PPP2R3A: variants seen among roughly 807,000 people sequenced by gnomAD.
PPP2R3A encodes serine/threonine-protein phosphatase 2A regulatory subunit B'' subunit alpha.
PPP2R3A carries 80 observed loss-of-function variants against 106.9 expected under a neutral mutation model. The ratio of observed to expected loss-of-function variants is 0.75; its 90% CI spans 0.62 to 0.90. The LOEUF (loss-of-function observed/expected upper bound fraction) is 0.90. Among genes scored for constraint, PPP2R3A ranks in the 40% least tolerant of loss-of-function variants. The probability of loss-of-function intolerance (pLI) is 0.00; values close to 1 mark genes in which losing one functional copy is unlikely to be tolerated. For missense variants in PPP2R3A, 1,386 were observed against 1,350.4 expected, an observed-to-expected ratio of 1.03 and a Z score of -0.41; for synonymous variants, 483 against 468.3, an observed-to-expected ratio of 1.03 and a Z score of -0.41.
chr3:135,991,231 C>G (rs942871815), intron 1 of PPP2R3A, among the ~76,000 whole-genome samples: 2 of 152,122 alleles, frequency 1.3e-5, no homozygotes, highest in Non-Finnish European at 2.9e-5. Flanking sequence ...GGTACCTGGC[C>G]TGTAGTGGGA....
At chr3:136,026,240 T>G (rs1033691198) in intron 2 of PPP2R3A, among the ~76,000 whole-genome samples, 1 of 152,138 alleles carries the variant, frequency 6.6e-6, no homozygotes, top group African/African-American at 2.4e-5. Context: ...GTGGCCCTAG[T>G]GGCAAATAAA....
At chr3:135,971,602 T>C (rs985853598) in intron 1 of PPP2R3A, among the ~76,000 whole-genome samples, 3 of 152,186 alleles carry the variant, frequency 2.0e-5, no homozygotes, top group Non-Finnish European at 4.4e-5. Flanking sequence ...AGGAATATCA[T>C]CTTGTGAGGG....
At chr3:136,069,565 G>A (rs900114790) in intron 5 of PPP2R3A, among the ~76,000 whole-genome samples, 3 of 152,128 alleles carry the variant, frequency 2.0e-5, no homozygotes, top group South Asian at 2.1e-4. Flanking sequence ...GAGGCGGAGC[G>A]AGACTCTGTC....
chr3:136,061,331 A>T (rs953841686), intron 5 of PPP2R3A, among the ~76,000 whole-genome samples: 4 of 152,332 alleles, frequency 2.6e-5, no homozygotes, highest in African/African-American at 9.6e-5. Context: ...GTCTTTGGTT[A>T]AAAAGAGCCA....
At chr3:136,030,920 G>A (rs963407429) in intron 3 of PPP2R3A, among the ~76,000 whole-genome samples, 1 of 151,850 alleles carries the variant, frequency 6.6e-6, no homozygotes, top group African/African-American at 2.4e-5. Context: ...GAATTGTGCT[G>A]CTATAAACAT....
At chr3:136,056,825 T>C (rs1375032899) in intron 5 of PPP2R3A, among the ~76,000 whole-genome samples, 4 of 152,102 alleles carry the variant, frequency 2.6e-5, no homozygotes, top group Non-Finnish European at 5.9e-5. Context: ...GCAAACCATA[T>C]ATCTGGCAAG....
At chr3:136,136,234 C>A (rs939643106) in intron 13 of PPP2R3A, among the ~76,000 whole-genome samples, 2 of 151,878 alleles carry the variant, frequency 1.3e-5, no homozygotes, top group Admixed American at 6.6e-5. Flanking sequence ...ACTTGGCACA[C>A]TGAGCTGTTT....
Position 136,012,367 on chromosome 3 carries a change from A to G in PPP2R3A, c.1995+8874A>G, listed in dbSNP as rs535816010. 4.7e-4 allele frequency among the ~76,000 whole-genome samples: 72 copies of G among 152,334 alleles called. No individual in the cohort carries two copies. In the East Asian group the frequency reaches 6.9e-3, roughly 15 times the overall value. The stretch of plus-strand genomic sequence containing the variant: ...AAGTATTAGGAACACTGAAAAGCAA[A>G]AACACCAGATTTTGTGGGTTCTTTC... On this transcript the variant is annotated intron_variant, in intron 2 of 13. Transcript: ENST00000264977.
chr3:136,140,164 G>C (rs1449777353), intron 13 of PPP2R3A, among the ~76,000 whole-genome samples: 2 of 151,920 alleles, frequency 1.3e-5, no homozygotes, highest in African/African-American at 4.8e-5. Flanking sequence ...ATCTTCATTT[G>C]AGCCCCGGGG....
chr3:135,974,756 C>T (rs1230663899), intron 1 of PPP2R3A, among the ~76,000 whole-genome samples: 1 of 152,244 alleles, frequency 6.6e-6, no homozygotes, highest in Non-Finnish European at 1.5e-5. Flanking sequence ...AGGCTATCCC[C>T]TTCCTCTTGT....
In PPP2R3A at chr3:136,049,348, T is replaced by G; in HGVS notation, c.2456T>G (p.Ile819Ser). 1 of 1,606,846 alleles carries G rather than the reference T, an allele frequency of 6.2e-7. No individual in the cohort carries two copies. Among genetic ancestry groups the G allele is most frequent in the Non-Finnish European group, 8.5e-7 (1 of 1,176,644 alleles). ...NCSSLEQEDF[I>S]PLLQDVVDTH... is the part of the protein sequence containing the mutation. ...AGCTCTCTAGAACAGGAGGATTTCA[T>G]CCCTCTACTTCAGGTAATTTTCATC... Residue 819 changes from isoleucine to serine, a missense_variant, in exon 5 of 14, where the codon ATC becomes AGC. Physicochemically the swap from Ile to Ser is moderately radical, Grantham distance 142. Coordinates refer to ENST00000264977, the MANE Select transcript of PPP2R3A (RefSeq NM_002718.5).
chr3:136,091,905 T>G (rs920481809), intron 10 of PPP2R3A, among the ~76,000 whole-genome samples: 7 of 152,236 alleles, frequency 4.6e-5, no homozygotes, highest in Non-Finnish European at 7.3e-5. Context: ...TTTCAGATTT[T>G]GGATTTTTTT....
intron 13 of PPP2R3A, among the ~76,000 whole-genome samples, chr3:136,141,563 A>G (rs1559943946): frequency 6.6e-6 from 1 of 152,256 alleles, no homozygotes; most frequent in Non-Finnish European, 1.5e-5. Context: ...AAGCCATTAC[A>G]TACATCTGAA....
At chr3:136,110,391 A>G (rs765166621) in intron 13 of PPP2R3A, among the ~76,000 whole-genome samples, 1 of 152,172 alleles carries the variant, frequency 6.6e-6, no homozygotes, top group South Asian at 2.1e-4. Context: ...CTTAGAAATG[A>G]AAGTTTTATT....
chr3:136,003,449 A>G lies in PPP2R3A; in HGVS notation c.1951A>G (p.Thr651Ala), dbSNP rs773630044. The stretch of plus-strand genomic sequence containing the variant: ...TCCTGTTGGTGATAAAGCCAAAGAT[A>G]CTACTTCAGCAGTTTTGATTCAGCA... ...RSPVGDKAKD[T>A]TSAVLIQQTP... The change falls in exon 2 of 14, where the codon ACT becomes GCT. Residue 651 changes from threonine to alanine, a missense_variant. Thr to Ala is a moderately conservative substitution (Grantham distance 58). Coordinates refer to ENST00000264977, the MANE Select transcript of PPP2R3A (RefSeq NM_002718.5). 6 of 1,613,286 alleles carry G rather than the reference A, an allele frequency of 3.7e-6. No individual in the cohort carries two copies. In the South Asian group the frequency reaches 5.5e-5, roughly 15 times the overall value.
intron 5 of PPP2R3A, among the ~76,000 whole-genome samples, chr3:136,065,243 A>G (rs192360145): frequency 5.3e-5 from 8 of 152,294 alleles, no homozygotes; most frequent in Admixed American, 3.9e-4. Flanking sequence ...AATATTTTCT[A>G]AAGTTGATAA....
chr3:136,103,663 A>G (rs1937440826), intron 12 of PPP2R3A, among the ~76,000 whole-genome samples: 2 of 152,194 alleles, frequency 1.3e-5, no homozygotes, highest in African/African-American at 4.8e-5. Flanking sequence ...TTTTGAAAAA[A>G]AAATTGTCCT....
intron 3 of PPP2R3A, among the ~76,000 whole-genome samples, chr3:136,040,546 GAAGA>G (rs1480774940): frequency 2.0e-5 from 3 of 152,162 alleles, no homozygotes; most frequent in African/African-American, 7.2e-5. Context: ...TCTCAAAAAA[GAAGA>G]AAGTGGTGGG....
In PPP2R3A at chr3:136,001,336, C is replaced by A; in HGVS notation, c.-163C>A. The A allele has an allele frequency of 1.6e-6, 1 of 630,236 alleles. No individual in the cohort carries two copies. Among genetic ancestry groups the A allele is most frequent in the Non-Finnish European group, 2.7e-6 (1 of 371,370 alleles). The allele number at this position is 630,236 out of a possible 1,614,324, so 39.0% of individuals were successfully genotyped here. On this transcript the variant is annotated 5_prime_UTR_variant, in exon 2 of 14. Coordinates refer to ENST00000264977, the MANE Select transcript of PPP2R3A (RefSeq NM_002718.5). The stretch of plus-strand genomic sequence containing the variant: ...TACTGTATCCTGATAGTGACCAAAC[C>A]TCAAATATAAATGGTTTCCCTTCAT...
Sources: allele counts gnomAD v4.1 joint callset (sites outside exome capture counted in the v4.1 genomes callset), GRCh38; gene constraint gnomAD v4.1.1; transcripts MANE v1.5; gene names NCBI Gene and HGNC (gene_info 2026-07-23, HGNC 2026-07-21).